CSMD3: variants seen among roughly 807,000 people sequenced by gnomAD.
CSMD3 encodes CUB and sushi domain-containing protein 3.
CSMD3 carries 177 observed loss-of-function variants against 435.2 expected under a neutral mutation model. The ratio of observed to expected loss-of-function variants is 0.41; its 90% CI spans 0.36 to 0.46. CSMD3 has a LOEUF of 0.46. CSMD3 is among the 20% of genes least tolerant of loss of function. The pLI, the probability that CSMD3 is intolerant of heterozygous loss-of-function variation, is 0.34. For missense variants in CSMD3, 4,265 were observed against 4,504.6 expected (o/e 0.95, Z 1.52); for synonymous variants, 1,656 against 1,520.5 (o/e 1.09, Z -2.07).
chr8:113,269,220 G>A (rs1199426212), intron 3 of CSMD3, among the ~76,000 whole-genome samples: 2 of 152,028 alleles, frequency 1.3e-5, no homozygotes, highest in Non-Finnish European at 2.9e-5. Flanking sequence ...TTGCTTCAAA[G>A]AGAATAAAAT....
intron 9 of CSMD3, among the ~76,000 whole-genome samples, chr8:112,945,255 G>A (rs900044170): frequency 6.6e-6 from 1 of 151,468 alleles, no homozygotes; most frequent in Non-Finnish European, 1.5e-5. Context: ...AATCTGTCTC[G>A]TTCCCTGCCA....
At chr8:112,999,039 C>T (rs1341047188) in intron 6 of CSMD3, among the ~76,000 whole-genome samples, 1 of 151,866 alleles carries the variant, frequency 6.6e-6, no homozygotes, top group African/African-American at 2.4e-5. Context: ...AACTAGTACA[C>T]CATTCTATCT....
chr8:112,764,391 T>TA (rs943067546), intron 13 of CSMD3, among the ~76,000 whole-genome samples: 20 of 148,050 alleles, frequency 1.4e-4, no homozygotes, highest in East Asian at 9.8e-4. Flanking sequence ...TTTCAGGATT[T>TA]AAAAAAAAAA....
At chr8:112,581,721 T>G (rs1830348101) in intron 23 of CSMD3, among the ~76,000 whole-genome samples, 1 of 152,098 alleles carries the variant, frequency 6.6e-6, no homozygotes, top group African/African-American at 2.4e-5. Context: ...TCTTATAGCA[T>G]GCGTTCTATT....
intron 59 of CSMD3, among the ~76,000 whole-genome samples, chr8:112,274,660 T>C (rs765263475): frequency 3.3e-5 from 5 of 152,108 alleles, no homozygotes; most frequent in Non-Finnish European, 1.5e-5. Flanking sequence ...CAGAATTCTA[T>C]ACCCAGCAAA....
chr8:113,385,390 A>G (rs2094435032), intron 1 of CSMD3, among the ~76,000 whole-genome samples: 10 of 152,166 alleles, frequency 6.6e-5, no homozygotes, highest in Admixed American at 5.9e-4. Context: ...GTCCTAAAAC[A>G]TTAAAGACAG....
chr8:112,248,356 A>G lies in CSMD3; in HGVS notation c.10111-1225T>C, dbSNP rs538950903. 9.9e-5 allele frequency among the ~76,000 whole-genome samples: 15 copies of G among 152,232 alleles called. No homozygotes were observed. The South Asian group carries it at 3.1e-3, about 32-fold the overall frequency. ...TATGGTATTTAGAAGAATAGTAGTAATTCTAATTATGAGGCTGGCACTGCC... is the reference window on the plus strand; with the variant it reads ...TATGGTATTTAGAAGAATAGTAGTAGTTCTAATTATGAGGCTGGCACTGCC... On this transcript the variant is annotated intron_variant, in intron 63 of 70. Transcript: ENST00000297405.
intron 1 of CSMD3, among the ~76,000 whole-genome samples, chr8:113,353,029 GA>G (rs1396317057): frequency 1.1e-4 from 16 of 152,228 alleles, no homozygotes; most frequent in African/African-American, 3.6e-4. Context: ...ATAAGACAAG[GA>G]AATAGGCTTT....
intron 4 of CSMD3, among the ~76,000 whole-genome samples, chr8:113,117,730 G>A (rs1222443320): frequency 6.6e-6 from 1 of 152,212 alleles, no homozygotes. Flanking sequence ...CAAGGCCATG[G>A]GAGCCCACCT....
At position 112,337,842 on chromosome 8, in the gene CSMD3, G is replaced by A. The variant is rs915939315; in HGVS notation, c.6653-111C>T. ...AATAGATGTGATGCTACTTGCAGTTGATTATAAATAGCAATTCAGGTTTAT... is the reference window on the plus strand; with the variant it reads ...AATAGATGTGATGCTACTTGCAGTTAATTATAAATAGCAATTCAGGTTTAT... On this transcript the variant is annotated intron_variant, in intron 42 of 70. Coordinates refer to ENST00000297405, the MANE Select transcript of CSMD3 (RefSeq NM_198123.2). The A allele has an allele frequency of 4.3e-6, 3 of 692,168 alleles. No individual in the cohort carries two copies. The African/African-American group carries it at 5.4e-5, about 12-fold the overall frequency. The allele number at this position is 692,168 out of a possible 1,614,324, so 42.9% of individuals were successfully genotyped here. A position where few individuals can be genotyped will look rare whatever the true frequency, so the allele number is the denominator to read the frequency against.
chr8:112,975,466 A>G (rs375252871), intron 7 of CSMD3, among the ~76,000 whole-genome samples: 171 of 152,212 alleles, frequency 1.1e-3, no homozygotes, highest in African/African-American at 3.8e-3. Flanking sequence ...GTGTAAATAT[A>G]TGCACTTATT....
At chr8:112,708,575 G>T (rs2076545518) in intron 13 of CSMD3, among the ~76,000 whole-genome samples, 1 of 149,610 alleles carries the variant, frequency 6.7e-6, no homozygotes, top group African/African-American at 2.5e-5. Flanking sequence ...GCAGAAGGAA[G>T]ATTAAAGGTT....
At chr8:112,496,421 A>G (rs1293209230) in intron 30 of CSMD3, among the ~76,000 whole-genome samples, 1 of 152,206 alleles carries the variant, frequency 6.6e-6, no homozygotes, top group Non-Finnish European at 1.5e-5. Context: ...AACTAAATAT[A>G]GAACTACCAT....
intron 32 of CSMD3, among the ~76,000 whole-genome samples, chr8:112,419,223 T>C (rs1812223538): frequency 6.6e-6 from 1 of 152,040 alleles, no homozygotes; most frequent in Non-Finnish European, 1.5e-5. Flanking sequence ...TGAGCTGCGT[T>C]ATGCTGATTT....
chr8:112,905,745 T>C (rs541828046), intron 10 of CSMD3, among the ~76,000 whole-genome samples: 41 of 151,548 alleles, frequency 2.7e-4, no homozygotes, highest in Non-Finnish European at 7.4e-5. Flanking sequence ...CCAATGCTTA[T>C]ATTCTGGCTA....
chr8:112,831,285 A>T (rs954611739), intron 11 of CSMD3, among the ~76,000 whole-genome samples: 1 of 150,724 alleles, frequency 6.6e-6, no homozygotes. Flanking sequence ...ATTAATAATT[A>T]CCTGTCAATA....
chr8:113,218,965 C>T (rs2092937175), intron 3 of CSMD3, among the ~76,000 whole-genome samples: 1 of 151,250 alleles, frequency 6.6e-6, no homozygotes, highest in Admixed American at 6.6e-5. Context: ...GACAGGGAAA[C>T]AGCCAAACCA....
chr8:112,810,070 G>A (rs553426107), intron 12 of CSMD3, among the ~76,000 whole-genome samples: 1 of 152,064 alleles, frequency 6.6e-6, no homozygotes, highest in African/African-American at 2.4e-5. Flanking sequence ...CCCACTTTTT[G>A]TTTCAGCAGA....
intron 1 of CSMD3, among the ~76,000 whole-genome samples, chr8:113,417,155 A>C (rs972289837): frequency 3.9e-5 from 6 of 152,084 alleles, no homozygotes; most frequent in Non-Finnish European, 7.4e-5. Context: ...ATGTCGCACT[A>C]TAACTAGTCC....
Sources: allele counts gnomAD v4.1 joint callset (sites outside exome capture counted in the v4.1 genomes callset), GRCh38; gene constraint gnomAD v4.1.1; transcripts MANE v1.5; gene names NCBI Gene and HGNC (gene_info 2026-07-23, HGNC 2026-07-21).